TMEM220: variants seen among roughly 807,000 people sequenced by gnomAD.
TMEM220 encodes transmembrane protein 220.
A neutral mutation model predicts 21.7 loss-of-function variants in TMEM220; 21 were observed. The ratio of observed to expected loss-of-function variants is 0.97; its 90% CI spans 0.69 to 1.39. TMEM220 has a LOEUF of 1.39. TMEM220 is among the 40% of genes most tolerant of loss of function. The probability of loss-of-function intolerance (pLI) is 0.00; values close to 1 mark genes in which losing one functional copy is unlikely to be tolerated. For missense variants in TMEM220, 191 were observed against 201.9 expected (o/e 0.95, Z 0.33); for synonymous variants, 80 against 73.6 (o/e 1.09, Z -0.45).
chr17:10,725,392 AT>A (rs1478428709), intron 3 of TMEM220, among the ~76,000 whole-genome samples: 1 of 152,186 alleles, frequency 6.6e-6, no homozygotes, highest in Non-Finnish European at 1.5e-5. Flanking sequence ...GGGATCCACC[AT>A]GTCCACACTC....
chr17:10,715,322 C>A lies in TMEM220; in HGVS notation c.*131G>T. 1.3e-6 allele frequency: 1 copy of A among 784,546 alleles called. No homozygotes were observed. Among genetic ancestry groups the A allele is most frequent in the Non-Finnish European group, 1.9e-6 (1 of 516,366 alleles). 48.6% of individuals were successfully genotyped at this position (784,546 alleles called of 1,614,324 possible). A position where few individuals can be genotyped will look rare whatever the true frequency, so the allele number is the denominator to read the frequency against. On this transcript the variant is annotated 3_prime_UTR_variant, in exon 6 of 6. Transcript: ENST00000341871. The stretch of plus-strand genomic sequence containing the variant: ...AATCTTACATCGAATTATATGCACC[C>A]TTAAAAAGTTATTTGGAGTTTTAAA...
chr17:10,718,222 G>A (rs181955145), intron 5 of TMEM220, among the ~76,000 whole-genome samples: 519 of 152,164 alleles, frequency 3.4e-3, no homozygotes, highest in African/African-American at 0.012. Context: ...TGTCTAATTT[G>A]TATTTTCAAA....
intron 5 of TMEM220, among the ~76,000 whole-genome samples, chr17:10,718,417 A>C (rs999922133): frequency 6.6e-6 from 1 of 151,862 alleles, no homozygotes; most frequent in Non-Finnish European, 1.5e-5. Context: ...TGACCTTGTT[A>C]ATTCTCTATT....
chr17:10,712,144 G>T (rs971797978), downstream of TMEM220, among the ~76,000 whole-genome samples: 1 of 152,202 alleles, frequency 6.6e-6, no homozygotes, highest in South Asian at 2.1e-4. Context: ...CCTGAGGAGG[G>T]TCTAGGACGA....
rs1000734270 is a variant in TMEM220 at position 10,713,546 on chromosome 17, A to T, written c.*1907T>A. ...GATAGAGCCCACAGGGAATTTGCAAATGAGTCTGTTTTTTTTTTGCATGTG... is the reference window on the plus strand; with the variant it reads ...GATAGAGCCCACAGGGAATTTGCAATTGAGTCTGTTTTTTTTTTGCATGTG... On this transcript the variant is annotated 3_prime_UTR_variant, in exon 6 of 6. Coordinates refer to ENST00000341871, the MANE Select transcript of TMEM220 (RefSeq NM_001004313.3). 4.3e-5 allele frequency: 5 copies of T among 116,006 alleles called. No individual in the cohort carries two copies. Among genetic ancestry groups the T allele is most frequent in the African/African-American group, 2.0e-4 (5 of 25,316 alleles). 7.2% of individuals were successfully genotyped at this position (116,006 alleles called of 1,614,324 possible). A position where few individuals can be genotyped will look rare whatever the true frequency, so the allele number is the denominator to read the frequency against.
At chr17:10,712,915 T>A (rs1336209802), downstream of TMEM220, among the ~76,000 whole-genome samples, 1 of 152,172 alleles carries the variant, frequency 6.6e-6, no homozygotes, top group African/African-American at 2.4e-5. Flanking sequence ...AGCTGGGGAA[T>A]ACGTGATTAG....
At chr17:10,726,924 T>C (rs1291686389) in intron 2 of TMEM220, among the ~76,000 whole-genome samples, 1 of 151,750 alleles carries the variant, frequency 6.6e-6, no homozygotes, top group African/African-American at 2.4e-5. Flanking sequence ...GTAGGGAGGG[T>C]GGGTTTATAA....
chr17:10,728,522 G>T (rs938735540), intron 2 of TMEM220, among the ~76,000 whole-genome samples: 1 of 152,170 alleles, frequency 6.6e-6, no homozygotes, highest in Admixed American at 6.5e-5. Context: ...TGTTGCTCAG[G>T]CTGATCTAGA....
rs2074898512 is a variant in TMEM220, at chr17:10,715,305, A to G, written c.*148T>C. The stretch of plus-strand genomic sequence containing the variant: ...TCTTACTTGTCCCATCCAATCTTAC[A>G]TCGAATTATATGCACCCTTAAAAAG... On this transcript the variant is annotated 3_prime_UTR_variant, in exon 6 of 6. Coordinates refer to ENST00000341871, the MANE Select transcript of TMEM220 (RefSeq NM_001004313.3). The G allele has an allele frequency of 4.6e-6, 3 of 645,666 alleles. No individual in the cohort carries two copies. The highest frequency in any genetic ancestry group is 4.9e-5 in the South Asian group (2 of 40,846). The allele number at this position is 645,666 out of a possible 1,614,324, so 40.0% of individuals were successfully genotyped here.
intron 2 of TMEM220, among the ~76,000 whole-genome samples, chr17:10,727,946 A>G (rs1470041062): frequency 6.6e-6 from 1 of 152,178 alleles, no homozygotes; most frequent in African/African-American, 2.4e-5. Flanking sequence ...GGATCACCTG[A>G]GGTCGAGAGT....
downstream of TMEM220, chr17:10,711,295 G>GA: frequency 4.3e-6 from 3 of 692,356 alleles, no homozygotes; most frequent in Non-Finnish European, 7.1e-6. Flanking sequence ...AAAATACTCA[G>GA]AAATGTTATT....
At chr17:10,724,927 G>C in intron 4 of TMEM220, 84 bp downstream of exon 4, 1 of 1,563,768 alleles carries the variant, frequency 6.4e-7, no homozygotes, top group East Asian at 2.3e-5. Context: ...AGTTATCATT[G>C]TGCACAGATG....
intron 2 of TMEM220, among the ~76,000 whole-genome samples, chr17:10,728,026 G>A (rs1000782246): frequency 2.6e-5 from 4 of 152,036 alleles, no homozygotes; most frequent in African/African-American, 9.7e-5. Flanking sequence ...TGGGTGTGGT[G>A]GCGCATGCCT....
intron 5 of TMEM220, chr17:10,716,544 T>A (rs1395011041): frequency 1.7e-6 from 1 of 605,692 alleles, no homozygotes; most frequent in Non-Finnish European, 3.2e-6. Context: ...ACTGAACTTC[T>A]AAAAGAAAGC....
Position 10,715,413 on chromosome 17 carries a change from T to C in TMEM220, c.*40A>G, listed in dbSNP as rs1455591333. The stretch of plus-strand genomic sequence containing the variant: ...TCCCCTAATGTTTATAAAAAATTGA[T>C]TGAAAATATTCATTTTAAAAACGAA... On this transcript the variant is annotated 3_prime_UTR_variant, in exon 6 of 6. Transcript: ENST00000341871. The C allele has an allele frequency of 1.9e-6, 3 of 1,557,378 alleles. No individual in the cohort carries two copies. Among genetic ancestry groups the C allele is most frequent in the East Asian group, 4.6e-5 (2 of 43,404 alleles).
Position 10,715,739 on chromosome 17 carries a change from T to C in TMEM220, c.348-151A>G, listed in dbSNP as rs1267259831. Reference sequence around the variant, plus strand: ...ATATAACATTGATTTATAGAAATTATTTATATATATGCTAAATATAAATCC... The same window carrying C: ...ATATAACATTGATTTATAGAAATTACTTATATATATGCTAAATATAAATCC... On this transcript the variant is annotated intron_variant, in intron 5 of 5. Coordinates refer to ENST00000341871, the MANE Select transcript of TMEM220 (RefSeq NM_001004313.3). 6 of 547,938 alleles carry C rather than the reference T, an allele frequency of 1.1e-5. No individual in the cohort carries two copies. In the African/African-American group the frequency reaches 1.2e-4, roughly 11 times the overall value. 33.9% of individuals were successfully genotyped at this position (547,938 alleles called of 1,614,324 possible).
chr17:10,716,498 A>G, intron 5 of TMEM220: 1 of 658,604 alleles, frequency 1.5e-6, no homozygotes, highest in Admixed American at 1.8e-5. Context: ...AGCGCAGATA[A>G]AAGTCACTCT....
At chr17:10,728,906 G>T (rs1468612561) in intron 2 of TMEM220, 125 bp downstream of exon 2, 3 of 1,026,142 alleles carry the variant, frequency 2.9e-6, no homozygotes, top group Non-Finnish European at 4.5e-6. Flanking sequence ...GCTTCCCAAG[G>T]GTTTGATTTT....
intron 5 of TMEM220, among the ~76,000 whole-genome samples, chr17:10,718,400 C>G (rs2074948902): frequency 6.6e-6 from 1 of 151,922 alleles, no homozygotes; most frequent in African/African-American, 2.4e-5. Context: ...TTTAGAGAAT[C>G]AATATTTGAC....
Sources: gnomAD v4.1 joint callset for allele counts (sites outside exome capture counted in the v4.1 genomes callset) on GRCh38, gnomAD v4.1.1 for gene constraint, MANE v1.5 for transcripts, NCBI Gene and HGNC (gene_info 2026-07-23, HGNC 2026-07-21) for gene names.